DSCAML1: variants seen among roughly 807,000 people sequenced by gnomAD.
The protein encoded by DSCAML1 is cell adhesion molecule DSCAML1.
DSCAML1 carries 38 observed loss-of-function variants against 200.5 expected under a neutral mutation model. The ratio of observed to expected loss-of-function variants is 0.19; its 90% CI spans 0.15 to 0.25. DSCAML1 has a LOEUF of 0.25. DSCAML1 is among the 10% of genes least tolerant of loss of function. The pLI is 1.00. For missense variants in DSCAML1, 2,223 were observed against 2,858.8 expected, an observed-to-expected ratio of 0.78 and a Z score of 5.07; for synonymous variants, 1,215 against 1,165.0, an observed-to-expected ratio of 1.04 and a Z score of -0.87.
At chr11:117,478,565 C>A (rs1319696378) in intron 14 of DSCAML1, among the ~76,000 whole-genome samples, 7 of 152,212 alleles carry the variant, frequency 4.6e-5, no homozygotes, top group Non-Finnish European at 7.4e-5. Flanking sequence ...TTGCTCAAGT[C>A]TCCCCCGGGA....
At chr11:117,616,023 C>T (rs2051804149) in intron 3 of DSCAML1, among the ~76,000 whole-genome samples, 1 of 152,248 alleles carries the variant, frequency 6.6e-6, no homozygotes, top group African/African-American at 2.4e-5. Flanking sequence ...GACTGTCCCA[C>T]TGCCAGGCTT....
At chr11:117,584,326 G>C (rs1380736585) in intron 3 of DSCAML1, among the ~76,000 whole-genome samples, 1 of 152,072 alleles carries the variant, frequency 6.6e-6, no homozygotes, top group Non-Finnish European at 1.5e-5. Context: ...CCCCACCACC[G>C]GGATACAGTC....
chr11:117,431,493 G>T, intron 31 of DSCAML1, 41 bp downstream of exon 31: 1 of 1,488,334 alleles, frequency 6.7e-7, no homozygotes, highest in Non-Finnish European at 9.0e-7. Flanking sequence ...ATGGGGAACT[G>T]GGGGGAGGTG....
intron 3 of DSCAML1, among the ~76,000 whole-genome samples, chr11:117,625,457 C>A (rs752504202): frequency 6.6e-6 from 1 of 152,144 alleles, no homozygotes; most frequent in Non-Finnish European, 1.5e-5. Flanking sequence ...GACAGCCTGA[C>A]GCAGGGGAGA....
At chr11:117,756,281 G>C (rs1443982048) in intron 3 of DSCAML1, among the ~76,000 whole-genome samples, 1 of 152,172 alleles carries the variant, frequency 6.6e-6, no homozygotes, top group African/African-American at 2.4e-5. Flanking sequence ...ACATTATCTG[G>C]CCTCCCAAAA....
chr11:117,480,416 C>A lies in DSCAML1; in HGVS notation c.2785+27G>T, dbSNP rs1176054035. On this transcript the variant is annotated intron_variant, in intron 14 of 32. Coordinates refer to ENST00000651296, the MANE Select transcript of DSCAML1 (RefSeq NM_020693.4). This position sits in a 1 kb window ranked among gnomAD's most constrained non-coding sequence, Gnocchi z 4.1. ...GCACAAGGGGCCATGGCAGGCCACG[C>A]TGTCACCCTCCTGGCCCAGCGCCTA... The A allele has an allele frequency of 1.2e-6, 2 of 1,611,684 alleles. No homozygotes were observed. Among genetic ancestry groups the A allele is most frequent in the South Asian group, 1.1e-5 (1 of 90,490 alleles).
intron 3 of DSCAML1, among the ~76,000 whole-genome samples, chr11:117,771,769 G>C (rs947634509): frequency 3.3e-4 from 50 of 152,032 alleles, no homozygotes; most frequent in African/African-American, 1.2e-3. Context: ...AACAAAAACA[G>C]AACATAAAAA....
intron 20 of DSCAML1, among the ~76,000 whole-genome samples, chr11:117,447,831 C>T (rs2048211278): frequency 6.6e-6 from 1 of 152,226 alleles, no homozygotes; most frequent in East Asian, 1.9e-4. Flanking sequence ...CGTGTGCCCT[C>T]ACCCCTAGCA....
intron 3 of DSCAML1, among the ~76,000 whole-genome samples, chr11:117,575,159 C>A (rs775575886): frequency 2.6e-5 from 4 of 152,218 alleles, no homozygotes; most frequent in Non-Finnish European, 5.9e-5. Flanking sequence ...CCATTACATT[C>A]CAGCCTGGGC....
Position 117,503,149 on chromosome 11 carries a change from C to T in DSCAML1, c.2359+696G>A, listed in dbSNP as rs971646491. On this transcript the variant is annotated intron_variant, in intron 11 of 32. Transcript: ENST00000651296. The surrounding 1 kb of genome is among the most constrained non-coding windows in gnomAD (Gnocchi z 5.2). Reference sequence around the variant, plus strand: ...CAAATAGGCAGTGTGCTTCTAGGGCCGTTGAGGCTGGCTCTGGGCAGGGGG... The same window carrying T: ...CAAATAGGCAGTGTGCTTCTAGGGCTGTTGAGGCTGGCTCTGGGCAGGGGG... Among the ~76,000 whole-genome samples the T allele has an allele frequency of 1.3e-5, 2 of 152,158 alleles. No homozygotes were observed. Among genetic ancestry groups the T allele is most frequent in the African/African-American group, 4.8e-5 (2 of 41,438 alleles).
In DSCAML1 at chr11:117,694,093, A is replaced by T. The variant is rs200117458; in HGVS notation, c.511+82698T>A. Among the ~76,000 whole-genome samples, 655 of 146,398 alleles carry T rather than the reference A, an allele frequency of 4.5e-3. 5 individuals are homozygous for T. The highest frequency in any genetic ancestry group is 0.014 in the African/African-American group (573 of 40,430). ...TATATATATATACACATATATATAT[A>T]TTTTTTAAATTGAGATATGTGTCCA... On this transcript the variant is annotated intron_variant, in intron 3 of 32. Transcript: ENST00000651296.
At chr11:117,430,103 C>A (rs1271301431) in intron 32 of DSCAML1, among the ~76,000 whole-genome samples, 1 of 152,222 alleles carries the variant, frequency 6.6e-6, no homozygotes, top group East Asian at 1.9e-4. Context: ...ACCCCAGCAT[C>A]TGCTGATAGA....
intron 31 of DSCAML1, 78 bp downstream of exon 31, chr11:117,431,456 G>T (rs113540056): frequency 5.9e-6 from 8 of 1,354,124 alleles, no homozygotes; most frequent in African/African-American, 5.8e-5. Flanking sequence ...GGTAGAAGCT[G>T]GGAAGAATAG....
chr11:117,560,746 G>C (rs901354252), intron 3 of DSCAML1, among the ~76,000 whole-genome samples: 1 of 152,156 alleles, frequency 6.6e-6, no homozygotes, highest in African/African-American at 2.4e-5. Context: ...CATCCTGCCT[G>C]CCCATCCCTG....
intron 1 of DSCAML1, among the ~76,000 whole-genome samples, chr11:117,814,818 C>A (rs1417203018): frequency 6.6e-6 from 1 of 152,202 alleles, no homozygotes; most frequent in Non-Finnish European, 1.5e-5. Context: ...CCTCCTGCCC[C>A]CTGGGGCGGG....
chr11:117,512,788 CACACACACACA>C (rs2049663786), intron 8 of DSCAML1, among the ~76,000 whole-genome samples: 1 of 150,496 alleles, frequency 6.6e-6, no homozygotes, highest in Non-Finnish European at 1.5e-5. Context: ...CACACACACA[CACACACACACA>C]CACCCCTCCC....
chr11:117,514,580 T>C (rs1201766643), intron 8 of DSCAML1, among the ~76,000 whole-genome samples: 1,298 of 98,654 alleles, frequency 0.013, 32 homozygotes, highest in African/African-American at 0.049. Context: ...TTCTTTTTTT[T>C]TTTTTTTTTT....
At chr11:117,731,560 C>T (rs1340927493) in intron 3 of DSCAML1, among the ~76,000 whole-genome samples, 1 of 152,184 alleles carries the variant, frequency 6.6e-6, no homozygotes, top group Non-Finnish European at 1.5e-5. Flanking sequence ...TTTTAAGACC[C>T]CTGTGGCTTC....
chr11:117,662,473 G>A (rs919139540), intron 3 of DSCAML1, among the ~76,000 whole-genome samples: 4 of 152,252 alleles, frequency 2.6e-5, no homozygotes, highest in African/African-American at 9.6e-5. Context: ...CTGTCTCACA[G>A]AGTCGTGAGT....
Sources: gnomAD v4.1 joint callset for allele counts (sites outside exome capture counted in the v4.1 genomes callset) on GRCh38, gnomAD v4.1.1 for gene constraint, Gnocchi (gnomAD v3.1) non-coding constraint, MANE v1.5 for transcripts, NCBI Gene and HGNC (gene_info 2026-07-23, HGNC 2026-07-21) for gene names.